Variants in C2orf42 observed in about 807,000 individuals in gnomAD.
C2orf42 encodes chromosome 2 open reading frame 42.
C2orf42 carries 44 observed loss-of-function variants against 58.9 expected under a neutral mutation model. The ratio of observed to expected loss-of-function variants is 0.75; its 90% CI spans 0.59 to 0.96. C2orf42 has a LOEUF of 0.96. Among genes scored for constraint, C2orf42 ranks in the 40% least tolerant of loss-of-function variants. The probability of loss-of-function intolerance (pLI) is 0.00; values close to 1 mark genes in which losing one functional copy is unlikely to be tolerated. For missense variants in C2orf42, 630 were observed against 699.2 expected (o/e 0.90, Z 1.12); for synonymous variants, 239 against 265.4 (o/e 0.90, Z 0.97).
chr2:70,153,884 C>T lies in C2orf42; in HGVS notation c.1517-3320G>A, dbSNP rs1672471399. Among the ~76,000 whole-genome samples, 4 of 150,388 alleles carry T rather than the reference C, an allele frequency of 2.7e-5. No individual in the cohort carries two copies. In the South Asian group the frequency reaches 8.4e-4, roughly 32 times the overall value. On this transcript the variant is annotated intron_variant, in intron 9 of 9. Transcript: ENST00000264434. ...ACCAGCCTGGCCAATGTGGTGAAACCCCGTCTTTACTAAAAATACAAAAAT... is the reference window on the plus strand; with the variant it reads ...ACCAGCCTGGCCAATGTGGTGAAACTCCGTCTTTACTAAAAATACAAAAAT...
At chr2:70,174,389 A>C (rs897507151) in intron 5 of C2orf42, among the ~76,000 whole-genome samples, 6 of 152,214 alleles carry the variant, frequency 3.9e-5, no homozygotes, top group Admixed American at 2.6e-4. Context: ...TGTAAGAAAT[A>C]TAAGGCTTCT....
chr2:70,160,581 C>A, intron 9 of C2orf42, 44 bp downstream of exon 9: 1 of 1,442,316 alleles, frequency 6.9e-7, no homozygotes. Flanking sequence ...GTACTGTTCA[C>A]CAGCTGACAC....
Position 70,165,510 on chromosome 2 carries a change from C to A in C2orf42, c.1252+18G>T. ...ATGTTCGAGACATCCATCACTATACCAAAGGGAAATCCTGTACCTGTGGTG... is the reference window on the plus strand; with the variant it reads ...ATGTTCGAGACATCCATCACTATACAAAAGGGAAATCCTGTACCTGTGGTG... On this transcript the variant is annotated intron_variant, in intron 7 of 9. Coordinates refer to ENST00000264434, the MANE Select transcript of C2orf42 (RefSeq NM_017880.3). The A allele has an allele frequency of 7.4e-7, 1 of 1,360,204 alleles. No individual in the cohort carries two copies. The highest frequency in any genetic ancestry group is 1.1e-6 in the Non-Finnish European group (1 of 949,750). The allele number at this position is 1,360,204 out of a possible 1,614,324, so 84.3% of individuals were successfully genotyped here.
chr2:70,170,773 C>T (rs890270984), intron 5 of C2orf42, among the ~76,000 whole-genome samples: 7 of 147,702 alleles, frequency 4.7e-5, no homozygotes, highest in South Asian at 2.1e-4. Flanking sequence ...AAAGAAAATA[C>T]GAAATGAGAA....
intron 9 of C2orf42, among the ~76,000 whole-genome samples, chr2:70,154,414 T>TAAAAAAAAAAAAAAAAAAA (rs36028499): frequency 7.8e-5 from 2 of 25,600 alleles, no homozygotes; most frequent in African/African-American, 2.9e-4. Flanking sequence ...AAATTTTTAC[T>TAAAAAAAAAAAAAAAAAAA]AAAAAAAAAA....
rs376177925 is a variant in C2orf42, at chr2:70,186,720, T to A, written c.-281-3785A>T. Among the ~76,000 whole-genome samples the A allele has an allele frequency of 4.7e-4, 72 of 152,248 alleles. 1 individual carries two copies. In the South Asian group the frequency reaches 0.014, roughly 29 times the overall value. ...AACCAACCCAAATATCCAACAATGA[T>A]AGACTGGATTAAGAAAATGTGGCAC... On this transcript the variant is annotated intron_variant, in intron 1 of 9. Coordinates refer to ENST00000264434, the MANE Select transcript of C2orf42 (RefSeq NM_017880.3).
At chr2:70,187,471 T>C (rs1293570878) in intron 1 of C2orf42, among the ~76,000 whole-genome samples, 1 of 152,000 alleles carries the variant, frequency 6.6e-6, no homozygotes, top group Non-Finnish European at 1.5e-5. Context: ...CAGGCTGGTC[T>C]CAAATTCCCG....
At chr2:70,156,552 G>A (rs1380278401) in intron 9 of C2orf42, among the ~76,000 whole-genome samples, 1 of 151,464 alleles carries the variant, frequency 6.6e-6, no homozygotes, top group African/African-American at 2.4e-5. Flanking sequence ...AATGGATGGC[G>A]AACATATTAA....
At chr2:70,154,699 A>T (rs887846816) in intron 9 of C2orf42, among the ~76,000 whole-genome samples, 1 of 152,184 alleles carries the variant, frequency 6.6e-6, no homozygotes, top group Non-Finnish European at 1.5e-5. Context: ...AATCTTACCT[A>T]TAACTTACCT....
In C2orf42 at chr2:70,178,814, C is replaced by G. The variant is rs569288729; in HGVS notation, c.934+718G>C. On this transcript the variant is annotated intron_variant, in intron 4 of 9. Coordinates refer to ENST00000264434, the MANE Select transcript of C2orf42 (RefSeq NM_017880.3). ...ACTGGGCGTGCACCCTTAGTCCCAG[C>G]TACTCAGGAGGCTGATATGAGAATT... Among the ~76,000 whole-genome samples the G allele has an allele frequency of 1.2e-4, 18 of 151,596 alleles. No individual in the cohort carries two copies. In the South Asian group the frequency reaches 3.7e-3, roughly 32 times the overall value.
intron 9 of C2orf42, among the ~76,000 whole-genome samples, chr2:70,154,993 T>TC (rs1430253922): frequency 2.6e-5 from 4 of 151,892 alleles, no homozygotes; most frequent in East Asian, 3.9e-4. Flanking sequence ...ACGCCTGTAA[T>TC]CCAGCACTTT....
intron 5 of C2orf42, among the ~76,000 whole-genome samples, chr2:70,170,746 TAAA>T (rs11344008): frequency 7.6e-6 from 1 of 131,762 alleles, no homozygotes; most frequent in African/African-American, 2.7e-5. Flanking sequence ...AGTGAGACTC[TAAA>T]AAAAAAAAAA....
At chr2:70,184,506 G>C (rs1327411325) in intron 1 of C2orf42, among the ~76,000 whole-genome samples, 1 of 25,798 alleles carries the variant, frequency 3.9e-5, no homozygotes, top group Non-Finnish European at 7.4e-5. Flanking sequence ...TTTTTTTTTT[G>C]AGACAGAGTC....
At chr2:70,170,050 C>G (rs146642743) in intron 5 of C2orf42, among the ~76,000 whole-genome samples, 9 of 151,678 alleles carry the variant, frequency 5.9e-5, no homozygotes, top group Non-Finnish European at 1.5e-5. Context: ...TGAGCCACCG[C>G]GCCCGGCCTG....
At chr2:70,174,622 A>C (rs1222790232) in intron 5 of C2orf42, among the ~76,000 whole-genome samples, 1 of 150,962 alleles carries the variant, frequency 6.6e-6, no homozygotes, top group Non-Finnish European at 1.5e-5. Context: ...CATCACAAAG[A>C]CTCCCTGTGC....
At chr2:70,183,435 T>A (rs980400797) in intron 1 of C2orf42, among the ~76,000 whole-genome samples, 1 of 151,656 alleles carries the variant, frequency 6.6e-6, no homozygotes, top group Non-Finnish European at 1.5e-5. Context: ...TCTCTTTTTT[T>A]TTTTCTTCTT....
At chr2:70,155,234 T>G (rs1672587768) in intron 9 of C2orf42, among the ~76,000 whole-genome samples, 1 of 151,610 alleles carries the variant, frequency 6.6e-6, no homozygotes, top group South Asian at 2.1e-4. Flanking sequence ...AGAGCAAGAC[T>G]CCATCTAAAA....
chr2:70,156,873 AAG>A (rs1553405000), intron 9 of C2orf42, among the ~76,000 whole-genome samples: 3 of 151,880 alleles, frequency 2.0e-5, no homozygotes, highest in Non-Finnish European at 4.4e-5. Context: ...AAAAAAAAAA[AAG>A]AGTAAAATTT....
intron 9 of C2orf42, among the ~76,000 whole-genome samples, chr2:70,155,536 T>C (rs1164906412): frequency 6.6e-6 from 1 of 152,028 alleles, no homozygotes; most frequent in African/African-American, 2.4e-5. Context: ...TGGTGGCTCA[T>C]GCCTGTAATC....
Sources: gnomAD v4.1 joint callset for allele counts (sites outside exome capture counted in the v4.1 genomes callset) on GRCh38, gnomAD v4.1.1 for gene constraint, MANE v1.5 for transcripts, NCBI Gene and HGNC (gene_info 2026-07-23, HGNC 2026-07-21) for gene names.